Variants in SGSM1 observed in about 807,000 individuals in gnomAD.
The protein encoded by SGSM1 is RUN and TBC1 domain containing 2.
SGSM1 carries 73 observed loss-of-function variants against 133.8 expected under a neutral mutation model. The ratio of observed to expected loss-of-function variants is 0.55; its 90% confidence interval spans 0.45 to 0.66. The LOEUF (loss-of-function observed/expected upper bound fraction) is 0.66. SGSM1 is among the 30% of genes least tolerant of loss of function. The pLI, the probability that SGSM1 is intolerant of heterozygous loss-of-function variation, is 0.00. For missense variants in SGSM1, 1,213 were observed against 1,448.1 expected (o/e 0.84, Z 2.64); for synonymous variants, 563 against 573.0 (o/e 0.98, Z 0.25).
At chr22:24,899,518 C>CTT (rs56027362) in intron 19 of SGSM1, among the ~76,000 whole-genome samples, 1 of 133,876 alleles carries the variant, frequency 7.5e-6, no homozygotes. Context: ...CTTTTCTTTT[C>CTT]TTTTTTTTTT....
chr22:24,829,596 C>T (rs1442003500), intron 2 of SGSM1, among the ~76,000 whole-genome samples: 4 of 152,164 alleles, frequency 2.6e-5, no homozygotes, highest in Admixed American at 6.5e-5. Flanking sequence ...AAAACAGCCT[C>T]CAGCTTCTGC....
At chr22:24,815,416 G>A (rs533817575) in intron 2 of SGSM1, among the ~76,000 whole-genome samples, 28 of 152,296 alleles carry the variant, frequency 1.8e-4, no homozygotes, top group Non-Finnish European at 3.1e-4. Context: ...GGTTTATATA[G>A]CAGGAAGAAA....
intron 14 of SGSM1, among the ~76,000 whole-genome samples, chr22:24,879,837 T>G (rs116349589): frequency 0.012 from 1,812 of 152,264 alleles, 38 homozygotes; most frequent in African/African-American, 0.04. Context: ...CAGGATTGAA[T>G]GAGGACCACG....
intron 2 of SGSM1, among the ~76,000 whole-genome samples, chr22:24,830,413 T>G (rs961706881): frequency 3.6e-4 from 55 of 152,284 alleles, no homozygotes; most frequent in African/African-American, 1.3e-3. Context: ...CTCTGAGTTT[T>G]GAGATCCACA....
chr22:24,903,340 C>T (rs1383434130), intron 20 of SGSM1, among the ~76,000 whole-genome samples: 1 of 151,762 alleles, frequency 6.6e-6, no homozygotes, highest in Admixed American at 6.6e-5. Context: ...TCCCGAGTAG[C>T]TGGGACTATA....
intron 22 of SGSM1, among the ~76,000 whole-genome samples, chr22:24,914,492 T>A (rs1231395716): frequency 6.7e-6 from 1 of 148,288 alleles, no homozygotes; most frequent in Non-Finnish European, 1.5e-5. Context: ...CAAAAAAAAA[T>A]TAACCATAGA....
At chr22:24,838,376 C>T (rs992397808) in intron 2 of SGSM1, among the ~76,000 whole-genome samples, 1 of 152,114 alleles carries the variant, frequency 6.6e-6, no homozygotes, top group African/African-American at 2.4e-5. Context: ...TTTATATAGC[C>T]AGGAAGAAAT....
At chr22:24,850,145 G>A (rs139670) in intron 4 of SGSM1, 135 bp from the exon 5 acceptor site, 307,347 of 879,706 alleles carry the variant, frequency 0.35, 58,199 homozygotes, top group African/African-American at 0.66. Context: ...GCTTGCTAGC[G>A]GCAATATGGG....
chr22:24,885,268 A>G (rs1392173607), intron 15 of SGSM1, among the ~76,000 whole-genome samples: 6 of 152,000 alleles, frequency 3.9e-5, no homozygotes, highest in Non-Finnish European at 8.8e-5. Flanking sequence ...CAAGATTAAT[A>G]ATTGCAAGAT....
intron 20 of SGSM1, among the ~76,000 whole-genome samples, chr22:24,903,883 A>G (rs1933256732): frequency 1.3e-5 from 2 of 151,430 alleles, no homozygotes; most frequent in South Asian, 2.1e-4. Flanking sequence ...GAGACAGGGG[A>G]ATTGCTTGAA....
At chr22:24,917,061 T>TC (rs1187561921) in intron 22 of SGSM1, among the ~76,000 whole-genome samples, 1 of 148,660 alleles carries the variant, frequency 6.7e-6, no homozygotes, top group East Asian at 1.9e-4. Context: ...AATTCTTTTT[T>TC]TTTTTTTTTT....
At chr22:24,871,024 A>T (rs560943952) in intron 12 of SGSM1, among the ~76,000 whole-genome samples, 1 of 152,180 alleles carries the variant, frequency 6.6e-6, no homozygotes, top group South Asian at 2.1e-4. Context: ...CAACTAATTC[A>T]GTTTATCTAG....
intron 12 of SGSM1, among the ~76,000 whole-genome samples, chr22:24,875,455 G>A (rs778700722): frequency 6.6e-6 from 1 of 152,116 alleles, no homozygotes; most frequent in Non-Finnish European, 1.5e-5. Context: ...AGGTGCTTAT[G>A]ACAGAGACCA....
chr22:24,859,898 G>A (rs1931027819), intron 9 of SGSM1, 58 bp downstream of exon 9: 1 of 1,604,454 alleles, frequency 6.2e-7, no homozygotes, highest in Admixed American at 1.7e-5. Context: ...TTGGCACAAG[G>A]AAGTTCCTCC....
intron 2 of SGSM1, among the ~76,000 whole-genome samples, chr22:24,811,317 A>G (rs1376647422): frequency 1.3e-5 from 2 of 152,074 alleles, no homozygotes; most frequent in African/African-American, 4.8e-5. Context: ...CCCATCCTGC[A>G]CCTGCTGCGC....
At chr22:24,871,485 T>A (rs1452894223) in intron 12 of SGSM1, among the ~76,000 whole-genome samples, 1 of 152,218 alleles carries the variant, frequency 6.6e-6, no homozygotes, top group Non-Finnish European at 1.5e-5. Flanking sequence ...TGAGTGCCAC[T>A]GTGTGCCAGG....
At chr22:24,829,757 GGTT>G (rs1929003174) in intron 2 of SGSM1, among the ~76,000 whole-genome samples, 1 of 152,154 alleles carries the variant, frequency 6.6e-6, no homozygotes, top group Admixed American at 6.6e-5. Flanking sequence ...ACATCATCTG[GGTT>G]GTTGTGGTTA....
intron 14 of SGSM1, among the ~76,000 whole-genome samples, chr22:24,883,345 A>G (rs1313880085): frequency 4.6e-5 from 7 of 152,248 alleles, no homozygotes; most frequent in African/African-American, 7.2e-5. Flanking sequence ...TTCAGCTGCA[A>G]TTTGAACAGG....
chr22:24,822,508 C>T (rs1928543270), intron 2 of SGSM1, among the ~76,000 whole-genome samples: 1 of 152,220 alleles, frequency 6.6e-6, no homozygotes, highest in African/African-American at 2.4e-5. Context: ...TTCAGATTGG[C>T]TTCTTTCACT....
Sources: gnomAD v4.1 joint callset for allele counts (sites outside exome capture counted in the v4.1 genomes callset) on GRCh38, gnomAD v4.1.1 for gene constraint, MANE v1.5 for transcripts, NCBI Gene and HGNC (gene_info 2026-07-23, HGNC 2026-07-21) for gene names.